SSUH2: variants seen among roughly 807,000 people sequenced by gnomAD.
The protein encoded by SSUH2 is ssu-2 homolog, also known as protein SSUH2 homolog.
In SSUH2, 47 loss-of-function variants were observed where a neutral mutation model predicts 55.3. The ratio of observed to expected loss-of-function variants is 0.85; its 90% CI spans 0.67 to 1.08. SSUH2 has a LOEUF of 1.08. Among genes scored for constraint, SSUH2 ranks in the 50% least tolerant of loss-of-function variants. SSUH2 has a pLI of 0.00. For synonymous variants in SSUH2, 212 were observed against 191.5 expected, an observed-to-expected ratio of 1.11 and a Z score of -0.89; for missense variants, 535 against 490.7, an observed-to-expected ratio of 1.09 and a Z score of -0.85.
chr3:8,659,500 G>A, intron 6 of SSUH2: 2 of 247,844 alleles, frequency 8.1e-6, no homozygotes, highest in Non-Finnish European at 1.6e-5. Context: ...CTCTGGTCAT[G>A]CACACTGTCT....
At chr3:8,653,030 G>C (rs1222434578) in intron 7 of SSUH2, among the ~76,000 whole-genome samples, 1 of 152,198 alleles carries the variant, frequency 6.6e-6, no homozygotes, top group African/African-American at 2.4e-5. Flanking sequence ...TCCAGAGCCA[G>C]CTCCACATCC....
At chr3:8,671,147 C>G (rs146243976) in exon 5 of SSUH2, 10 of 194,180 alleles carry the variant, frequency 5.1e-5, no homozygotes, top group Non-Finnish European at 5.8e-5. Flanking sequence ...TTAGCAGTAA[C>G]GTTTTCCTGG....
chr3:8,681,532 G>T (rs1180603102), intron 1 of SSUH2, among the ~76,000 whole-genome samples: 1 of 143,882 alleles, frequency 7.0e-6, no homozygotes, highest in African/African-American at 2.6e-5. Flanking sequence ...CTTCCCCCCT[G>T]GCTCTTCGGA....
At chr3:8,645,685 G>A (rs1399913501), upstream of SSUH2, among the ~76,000 whole-genome samples, 3 of 152,152 alleles carry the variant, frequency 2.0e-5, no homozygotes, top group African/African-American at 7.2e-5. Flanking sequence ...CGTGGGATGT[G>A]CCATGATATT....
chr3:8,680,244 C>G (rs1705858154), intron 1 of SSUH2, among the ~76,000 whole-genome samples: 1 of 152,176 alleles, frequency 6.6e-6, no homozygotes, highest in Non-Finnish European at 1.5e-5. Context: ...GTACAAGAAG[C>G]AAAGAAGCTG....
At chr3:8,648,278 A>C (rs1358714633), upstream of SSUH2, among the ~76,000 whole-genome samples, 1 of 152,198 alleles carries the variant, frequency 6.6e-6, no homozygotes, top group Non-Finnish European at 1.5e-5. Flanking sequence ...GTTGGCACCA[A>C]GGCCCTGATG....
chr3:8,676,788 G>C (rs933215126), intron 3 of SSUH2, among the ~76,000 whole-genome samples: 1 of 148,342 alleles, frequency 6.7e-6, no homozygotes, highest in Non-Finnish European at 1.5e-5. Flanking sequence ...ATCGCAGTGG[G>C]GGGAGGCACC....
At chr3:8,628,338 G>T (rs887461986) in intron 7 of SSUH2, among the ~76,000 whole-genome samples, 4 of 152,236 alleles carry the variant, frequency 2.6e-5, no homozygotes, top group East Asian at 3.9e-4. Flanking sequence ...AAAGGATGAG[G>T]CTCGAATCAG....
chr3:8,681,734 C>T (rs113203771), intron 1 of SSUH2, among the ~76,000 whole-genome samples: 4 of 149,758 alleles, frequency 2.7e-5, no homozygotes, highest in African/African-American at 4.9e-5. Flanking sequence ...CCCTGGGAGG[C>T]GGGGAGTGAG....
intron 9 of SSUH2, among the ~76,000 whole-genome samples, 176 bp from the exon 10 acceptor site, chr3:8,625,823 G>T (rs1203863124): frequency 6.6e-6 from 1 of 152,216 alleles, no homozygotes; most frequent in Admixed American, 6.5e-5. Context: ...AGCTAGTAAG[G>T]AGAGTGACAG....
chr3:8,636,061 G>A (rs1699871877), intron 1 of SSUH2, among the ~76,000 whole-genome samples: 1 of 152,212 alleles, frequency 6.6e-6, no homozygotes, highest in Non-Finnish European at 1.5e-5. Flanking sequence ...GAAACATCAA[G>A]AATGCCAGCT....
intron 8 of SSUH2, 62 bp from the exon 9 acceptor site, chr3:8,626,383 C>T: frequency 8.0e-7 from 1 of 1,250,164 alleles, no homozygotes; most frequent in Non-Finnish European, 1.2e-6. Flanking sequence ...CTTCCAGAGG[C>T]TCCCACCTGC....
rs369654860 is a variant in SSUH2 at position 8,679,303 on chromosome 3, T to G, written c.-901+402A>C. On this transcript the variant is annotated intron_variant, in intron 2 of 18. Transcript: ENST00000317371. ...ATCGGAGGGGGGGAGCCACCCCCCATGAGGCGGGGACTAAGAGCCAGCCCC... is the reference window on the plus strand; with the variant it reads ...ATCGGAGGGGGGGAGCCACCCCCCAGGAGGCGGGGACTAAGAGCCAGCCCC... 1.7e-4 allele frequency among the ~76,000 whole-genome samples: 10 copies of G among 58,072 alleles called. 2 individuals carry two copies. The highest frequency in any genetic ancestry group is 1.5e-3 in the South Asian group (2 of 1,314). The allele number at this position is 58,072 out of a possible 152,430, so 38.1% of individuals were successfully genotyped here.
At chr3:8,681,059 CTGGCTCT>C (rs2124942916) in intron 1 of SSUH2, among the ~76,000 whole-genome samples, 1 of 143,584 alleles carries the variant, frequency 7.0e-6, no homozygotes, top group South Asian at 2.2e-4. Flanking sequence ...TCTTCCCCCG[CTGGCTCT>C]TAGGACTTCC....
upstream of SSUH2, among the ~76,000 whole-genome samples, chr3:8,645,890 T>A (rs1392140408): frequency 6.6e-6 from 1 of 152,212 alleles, no homozygotes; most frequent in East Asian, 1.9e-4. Context: ...AGCATGCAAG[T>A]GCAACCTTCA....
upstream of SSUH2, chr3:8,644,906 A>G (rs1701474856): frequency 4.2e-6 from 3 of 720,870 alleles, no homozygotes; most frequent in Non-Finnish European, 4.9e-6. Flanking sequence ...TATATCGTTC[A>G]TCATAGCAGC....
rs114476862 is a variant in SSUH2 at position 8,673,601 on chromosome 3, T to C, written c.-752-1566A>G. 7.0e-3 allele frequency among the ~76,000 whole-genome samples: 1,073 copies of C among 152,300 alleles called. 12 individuals are homozygous for C. The highest frequency in any genetic ancestry group is 0.025 in the African/African-American group (1,032 of 41,542). Reference sequence around the variant, plus strand: ...AGACCCACAACCACACCTGGGTTGATTGCCATCGGTTGCTCATGTTCCTCT... The same window carrying C: ...AGACCCACAACCACACCTGGGTTGACTGCCATCGGTTGCTCATGTTCCTCT... On this transcript the variant is annotated intron_variant, in intron 3 of 18. Coordinates refer to the SSUH2 transcript ENST00000317371.
intron 6 of SSUH2, among the ~76,000 whole-genome samples, chr3:8,660,282 A>C (rs1354856733): frequency 6.6e-5 from 10 of 152,308 alleles, no homozygotes; most frequent in Admixed American, 4.6e-4. Flanking sequence ...GTGACTTTCC[A>C]TCAAAGGAAA....
Position 8,630,928 on chromosome 3 carries a change from G to C in SSUH2, c.402C>G (p.Asn134Lys). The change falls in exon 6 of 12, where the codon AAC becomes AAG. Residue 134 changes from asparagine to lysine, a missense_variant and splice_region_variant. By Grantham distance (94) the Asn-to-Lys change is moderately conservative. Coordinates refer to ENST00000544814, the MANE Select transcript of SSUH2 (RefSeq NM_001256748.3). ...CTCTTTGCGGCCCATCCACAGAGTG[G>C]TCTGACACAGAAAGGGGTCATTGTA... The part of the protein sequence containing the change: ...ISEWTFQPFT[N>K]HSVDGPQRGA... The C allele has an allele frequency of 7.1e-7, 1 of 1,418,182 alleles. No homozygotes were observed. The highest frequency in any genetic ancestry group is 9.3e-7 in the Non-Finnish European group (1 of 1,080,518). 87.8% of individuals were successfully genotyped at this position (1,418,182 alleles called of 1,614,324 possible).
Sources: allele counts gnomAD v4.1 joint callset (sites outside exome capture counted in the v4.1 genomes callset), GRCh38; gene constraint gnomAD v4.1.1; transcripts MANE v1.5; gene names NCBI Gene and HGNC (gene_info 2026-07-23, HGNC 2026-07-21).